The following SKAP1 variants were observed in gnomAD, a reference collection of about 807,000 sequenced individuals.
The protein encoded by SKAP1 is src kinase-associated phosphoprotein 1.
SKAP1 carries 44 observed loss-of-function variants against 58.5 expected under a neutral mutation model. That is an observed-to-expected ratio of 0.75 (90% CI 0.59 to 0.97). The LOEUF is 0.97. Ranked by LOEUF, SKAP1 falls within the 50% of genes least tolerant of loss-of-function variation. The pLI is 0.00. For missense variants in SKAP1, 390 were observed against 435.2 expected (o/e 0.90, Z 0.92); for synonymous variants, 127 against 149.7 (o/e 0.85, Z 1.11).
intron 11 of SKAP1, among the ~76,000 whole-genome samples, chr17:48,161,607 T>C (rs1040977269): frequency 6.6e-6 from 1 of 152,182 alleles, no homozygotes; most frequent in African/African-American, 2.4e-5. Flanking sequence ...CTACTATTTG[T>C]AAGATGGTTA....
intron 3 of SKAP1, among the ~76,000 whole-genome samples, chr17:48,353,179 A>G (rs926049827): frequency 1.3e-5 from 2 of 152,202 alleles, no homozygotes; most frequent in African/African-American, 2.4e-5. Context: ...ACTTTTTGGT[A>G]TGAATTTCAT....
At chr17:48,338,044 C>CTTCACTTAGTTCCTTCTTTCTTTCTTTT (rs1188053703) in intron 4 of SKAP1, among the ~76,000 whole-genome samples, 2 of 151,500 alleles carry the variant, frequency 1.3e-5, no homozygotes, top group African/African-American at 4.9e-5. Flanking sequence ...TTCCTTCCTT[C>CTTCACTTAGTTCCTTCTTTCTTTCTTTT]CTTCCTTCTT....
chr17:48,382,374 A>T (rs1567892113), intron 2 of SKAP1: 1 of 152,172 alleles, frequency 6.6e-6, no homozygotes, highest in Non-Finnish European at 1.5e-5. Context: ...AATGGGAACC[A>T]CTCAGACTGT....
chr17:48,444,687 C>A, the SKAP1 span, among the ~76,000 whole-genome samples: 1 of 152,194 alleles, frequency 6.6e-6, no homozygotes, highest in African/African-American at 2.4e-5. Flanking sequence ...AACTTCTCTG[C>A]ACCACGCCCA....
intron 4 of SKAP1, among the ~76,000 whole-genome samples, chr17:48,213,665 A>G (rs535204143): frequency 8.5e-4 from 130 of 152,148 alleles, no homozygotes; most frequent in Non-Finnish European, 1.5e-3. Context: ...CCTATTTCCA[A>G]CCTACCTTGG....
At chr17:48,170,854 G>A (rs139800664) in intron 9 of SKAP1, among the ~76,000 whole-genome samples, 195 bp from the exon 10 acceptor site, 2 of 152,080 alleles carry the variant, frequency 1.3e-5, no homozygotes, top group South Asian at 2.1e-4. Context: ...AGGAGTACAG[G>A]TGCCCACCAC....
At chr17:48,144,859 A>T (rs2143069005) in intron 11 of SKAP1, among the ~76,000 whole-genome samples, 1 of 152,316 alleles carries the variant, frequency 6.6e-6, no homozygotes, top group South Asian at 2.1e-4. Context: ...GGAGACCTGA[A>T]ATCCTCAATT....
chr17:48,366,232 G>A (rs1912154), intron 2 of SKAP1, among the ~76,000 whole-genome samples: 50,750 of 152,014 alleles, frequency 0.33, 9,172 homozygotes, highest in African/African-American at 0.47. Flanking sequence ...GGTCAGTGGA[G>A]AATAAGTATG....
chr17:48,240,523 C>T (rs2938482), intron 4 of SKAP1, among the ~76,000 whole-genome samples: 126,728 of 152,198 alleles, frequency 0.83, 52,822 homozygotes, highest in East Asian at 0.95. Context: ...CAAAGACAAT[C>T]GACAACCAGT....
intron 11 of SKAP1, among the ~76,000 whole-genome samples, chr17:48,138,931 C>A (rs1422457908): frequency 6.6e-6 from 1 of 151,984 alleles, no homozygotes; most frequent in Admixed American, 6.6e-5. Context: ...CTCTGTTGCC[C>A]AGGCTGGAAT....
chr17:48,413,523 A>AAAAAAATATATATATATATATATAT, intron 1 of SKAP1, among the ~76,000 whole-genome samples: 1 of 105,454 alleles, frequency 9.5e-6, no homozygotes, highest in Non-Finnish European at 1.9e-5. Flanking sequence ...TCAAAAAAAA[A>AAAAAAATATATATATATATATATAT]ATATATATAT....
At chr17:48,289,520 C>G (rs1223395000) in intron 4 of SKAP1, among the ~76,000 whole-genome samples, 2 of 152,056 alleles carry the variant, frequency 1.3e-5, no homozygotes, top group Non-Finnish European at 2.9e-5. Flanking sequence ...AAAAACTGAT[C>G]TGCATTCACT....
chr17:48,402,630 T>C (rs879513151), intron 1 of SKAP1, among the ~76,000 whole-genome samples: 1 of 152,118 alleles, frequency 6.6e-6, no homozygotes, highest in Admixed American at 6.5e-5. Flanking sequence ...ATGCCTGGCA[T>C]AGCAGCATTA....
intron 1 of SKAP1, among the ~76,000 whole-genome samples, chr17:48,415,194 G>A (rs990060239): frequency 6.6e-5 from 10 of 152,064 alleles, no homozygotes; most frequent in Non-Finnish European, 8.8e-5. Context: ...GGGAAATTTC[G>A]TAAAAGTATT....
At chr17:48,280,550 C>G (rs963380525) in intron 4 of SKAP1, among the ~76,000 whole-genome samples, 6 of 152,102 alleles carry the variant, frequency 3.9e-5, no homozygotes, top group African/African-American at 1.4e-4. Context: ...TTTAAATGTA[C>G]AGTTTAATGA....
chr17:48,207,540 A>G (rs1271538087), intron 4 of SKAP1, among the ~76,000 whole-genome samples: 1 of 151,836 alleles, frequency 6.6e-6, no homozygotes, highest in Non-Finnish European at 1.5e-5. Flanking sequence ...TGAATTAGAT[A>G]TTGTCTTAAG....
chr17:48,247,571 A>G (rs2065311188), intron 4 of SKAP1, among the ~76,000 whole-genome samples: 1 of 152,208 alleles, frequency 6.6e-6, no homozygotes, highest in Non-Finnish European at 1.5e-5. Context: ...GTTGCTGACC[A>G]AAGTTTGACT....
At chr17:48,306,897 C>T (rs776303968) in intron 4 of SKAP1, among the ~76,000 whole-genome samples, 4 of 152,186 alleles carry the variant, frequency 2.6e-5, no homozygotes, top group African/African-American at 9.7e-5. Context: ...TTACTCCTTT[C>T]GGATACATCA....
chr17:48,172,891 T>C (rs898178337), intron 9 of SKAP1, among the ~76,000 whole-genome samples: 6 of 152,244 alleles, frequency 3.9e-5, no homozygotes, highest in Non-Finnish European at 5.9e-5. Context: ...AAGAGACTGA[T>C]ATGGCCAGGT....
Sources: gnomAD v4.1 joint callset for allele counts (sites outside exome capture counted in the v4.1 genomes callset) on GRCh38, gnomAD v4.1.1 for gene constraint, MANE v1.5 for transcripts, NCBI Gene and HGNC (gene_info 2026-07-23, HGNC 2026-07-21) for gene names.